UGT1A3: variants seen among roughly 807,000 people sequenced by gnomAD.
The protein encoded by UGT1A3 is UDP glucuronosyltransferase family 1 member A3, also known as UDP-glucuronosyltransferase 1A3.
UGT1A3 carries 31 observed loss-of-function variants against 41.0 expected under a neutral mutation model. The ratio of observed to expected loss-of-function variants is 0.76; its 90% CI spans 0.57 to 1.02. The LOEUF is 1.02. UGT1A3 is among the 50% of genes least tolerant of loss of function. The pLI is 0.00. For missense variants in UGT1A3, 737 were observed against 671.0 expected, an observed-to-expected ratio of 1.10 and a Z score of -1.09; for synonymous variants, 262 against 257.6, an observed-to-expected ratio of 1.02 and a Z score of -0.17.
intron 1 of UGT1A3, chr2:233,755,502 C>T (rs1234908381): frequency 5.5e-6 from 1 of 180,326 alleles, no homozygotes; most frequent in Non-Finnish European, 1.2e-5. Flanking sequence ...GCTCCAAGAC[C>T]AGGCCCCGCC....
chr2:233,740,135 G>C (rs1178370483), intron 1 of UGT1A3, among the ~76,000 whole-genome samples: 1 of 151,806 alleles, frequency 6.6e-6, no homozygotes, highest in African/African-American at 2.4e-5. Context: ...TGTCATGATT[G>C]TAAGTTTCCT....
intron 1 of UGT1A3, among the ~76,000 whole-genome samples, chr2:233,731,936 T>G (rs924975357): frequency 2.0e-5 from 3 of 152,218 alleles, no homozygotes; most frequent in African/African-American, 7.2e-5. Context: ...CCACATCCTC[T>G]CCAACATCTG....
chr2:233,741,193 A>G (rs1392920189), intron 1 of UGT1A3, among the ~76,000 whole-genome samples: 1 of 151,910 alleles, frequency 6.6e-6, no homozygotes, highest in Non-Finnish European at 1.5e-5. Flanking sequence ...TTTGCTTTCA[A>G]CTGTTAAAAC....
At chr2:233,750,699 C>T (rs1694542281) in intron 1 of UGT1A3, 1 of 151,888 alleles carries the variant, frequency 6.6e-6, no homozygotes, top group South Asian at 2.1e-4. Context: ...TAAAAGAGGC[C>T]AAGGTAGAGC....
chr2:233,769,481 G>C lies in UGT1A3; in HGVS notation c.1307+1042G>C. ...TTCATATGCGTGTGTGTGTGTGTGCGTGTGTTTATGAGAGTGTCCATTGCT... is the reference window on the plus strand; with the variant it reads ...TTCATATGCGTGTGTGTGTGTGTGCCTGTGTTTATGAGAGTGTCCATTGCT... On this transcript the variant is annotated intron_variant, in intron 4 of 4. Coordinates refer to ENST00000482026, the MANE Select transcript of UGT1A3 (RefSeq NM_019093.4). This position sits in a 1 kb window ranked among gnomAD's most constrained non-coding sequence, Gnocchi z 4.4. 6.2e-7 allele frequency: 1 copy of C among 1,612,192 alleles called. No homozygotes were observed. The highest frequency in any genetic ancestry group is 1.1e-5 in the South Asian group (1 of 91,012).
At chr2:233,749,145 C>G (rs1694125909) in intron 1 of UGT1A3, among the ~76,000 whole-genome samples, 1 of 151,818 alleles carries the variant, frequency 6.6e-6, no homozygotes, top group Non-Finnish European at 1.5e-5. Context: ...TATGAACTTC[C>G]ATGACTTGAT....
chr2:233,757,985 C>T (rs925292779), intron 1 of UGT1A3, among the ~76,000 whole-genome samples: 4 of 152,150 alleles, frequency 2.6e-5, no homozygotes, highest in African/African-American at 7.2e-5. Context: ...AGAGCACCAT[C>T]CCCTGTAATT....
rs61740163 is a variant in UGT1A3 at position 233,729,805 on chromosome 2, T to G, written c.679T>G (p.Phe227Val). ...GGCCCTGTCCTACATTTGCCATGCT[T>G]TTTCTGCTCCTTATGCAAGCCTTGC... ...PLALSYICHA[F>V]SAPYASLASE... Residue 227 changes from phenylalanine to valine, a missense_variant, in exon 1 of 5, where the codon TTT becomes GTT. Coordinates refer to ENST00000482026, the MANE Select transcript of UGT1A3 (RefSeq NM_019093.4). 2.8e-4 allele frequency: 444 copies of G among 1,610,698 alleles called. 1 individual carries two copies. The African/African-American group carries it at 4.6e-3, about 17-fold the overall frequency.
intron 1 of UGT1A3, among the ~76,000 whole-genome samples, chr2:233,759,797 C>T (rs1216409236): frequency 1.3e-5 from 2 of 152,262 alleles, no homozygotes; most frequent in East Asian, 3.9e-4. Flanking sequence ...ACACATGATA[C>T]AAGTGAGCAG....
chr2:233,729,143 A>G lies in UGT1A3; in HGVS notation c.17A>G (p.Gln6Arg), dbSNP rs28898617. Reference sequence around the variant, plus strand: ...TCTGCTGAGATGGCCACAGGACTCCAGGTTCCCCTGCCGTGGCTGGCCACA... The same window carrying G: ...TCTGCTGAGATGGCCACAGGACTCCGGGTTCCCCTGCCGTGGCTGGCCACA... MATGL[Q>R]VPLPWLATGL... Residue 6 changes from glutamine (Q) to arginine (R), a missense_variant, in exon 1 of 5, where the codon CAG becomes CGG. By Grantham distance (43) the Gln-to-Arg change is conservative. Transcript: ENST00000482026. 1.4e-3 allele frequency: 2,190 copies of G among 1,613,464 alleles called. 46 individuals are homozygous for G. The East Asian group carries it at 0.046, about 34-fold the overall frequency.
chr2:233,760,441 C>T (rs2125984132), intron 1 of UGT1A3: 2 of 1,614,208 alleles, frequency 1.2e-6, no homozygotes, highest in Non-Finnish European at 1.7e-6. Flanking sequence ...GCAGCTGCAG[C>T]AGAGGGGACA....
intron 1 of UGT1A3, chr2:233,750,548 G>C (rs1694498401): frequency 1.3e-5 from 2 of 151,982 alleles, no homozygotes; most frequent in African/African-American, 4.9e-5. Context: ...GTGCACATCA[G>C]AGACCTTTGC....
chr2:233,767,779 A>G, intron 2 of UGT1A3, 70 bp from the exon 3 acceptor site: 1 of 1,612,962 alleles, frequency 6.2e-7, no homozygotes. Flanking sequence ...TTTTCTAGTT[A>G]GTATAGCAGA....
chr2:233,747,273 C>T, intron 1 of UGT1A3: 4 of 1,598,968 alleles, frequency 2.5e-6, no homozygotes, highest in Non-Finnish European at 3.4e-6. Context: ...TACTCCTTCT[C>T]AGTGCCCAGC....
chr2:233,734,975 A>G (rs1254918242), intron 1 of UGT1A3, among the ~76,000 whole-genome samples: 1 of 152,228 alleles, frequency 6.6e-6, no homozygotes, highest in Non-Finnish European at 1.5e-5. Context: ...TGGTGCTGAG[A>G]AGAATGTATA....
At chr2:233,737,210 G>A (rs2078852956) in intron 1 of UGT1A3, among the ~76,000 whole-genome samples, 1 of 152,244 alleles carries the variant, frequency 6.6e-6, no homozygotes, top group South Asian at 2.1e-4. Context: ...GGTGGACTCT[G>A]TTCAGTTCCA....
At chr2:233,751,100 G>T (rs895970679) in intron 1 of UGT1A3, among the ~76,000 whole-genome samples, 1 of 151,922 alleles carries the variant, frequency 6.6e-6, no homozygotes, top group Non-Finnish European at 1.5e-5. Flanking sequence ...GGAGGGCTTT[G>T]CCCTGCAAGC....
At chr2:233,740,898 G>T (rs1431313785) in intron 1 of UGT1A3, 2 of 148,128 alleles carry the variant, frequency 1.4e-5, no homozygotes, top group Non-Finnish European at 3.0e-5. Context: ...CAACATAGTA[G>T]GTCAACATTG....
chr2:233,765,251 A>C (rs1476483631), intron 1 of UGT1A3, among the ~76,000 whole-genome samples: 1 of 152,222 alleles, frequency 6.6e-6, no homozygotes, highest in African/African-American at 2.4e-5. Flanking sequence ...TAATCCCATT[A>C]CTGGGTATAT....
Sources: allele counts gnomAD v4.1 joint callset (sites outside exome capture counted in the v4.1 genomes callset), GRCh38; gene constraint gnomAD v4.1.1; non-coding constraint Gnocchi (gnomAD v3.1); transcripts MANE v1.5; gene names NCBI Gene and HGNC (gene_info 2026-07-23, HGNC 2026-07-21).